ERG: variants seen among roughly 807,000 people sequenced by gnomAD.
ERG encodes transcriptional regulator ERG.
In ERG, 9 loss-of-function variants were observed where a neutral mutation model predicts 55.3. The ratio of observed to expected loss-of-function variants is 0.16; its 90% confidence interval spans 0.10 to 0.28. The LOEUF (loss-of-function observed/expected upper bound fraction) is 0.28, where lower values mean the gene tolerates loss of function less well. ERG is among the 10% of genes least tolerant of loss of function. ERG has a pLI of 1.00. For missense variants in ERG, 434 were observed against 631.6 expected (o/e 0.69, Z 3.35); for synonymous variants, 223 against 237.3 (o/e 0.94, Z 0.55).
chr21:38,512,330 G>A (rs947941513), intron 2 of ERG, among the ~76,000 whole-genome samples: 5 of 152,252 alleles, frequency 3.3e-5, no homozygotes, highest in Admixed American at 6.5e-5. Flanking sequence ...TGGCAAGAAT[G>A]TGGAGGAAAA....
At chr21:38,473,159 C>CAAAAAAAAA (rs33994175) in intron 1 of ERG, among the ~76,000 whole-genome samples, 1 of 106,054 alleles carries the variant, frequency 9.4e-6, no homozygotes, top group African/African-American at 4.0e-5. Flanking sequence ...AGGATGCGCT[C>CAAAAAAAAA]AAAAAAAAAA....
chr21:38,519,860 G>A (rs1445960762), intron 2 of ERG, among the ~76,000 whole-genome samples: 2 of 152,100 alleles, frequency 1.3e-5, no homozygotes, highest in African/African-American at 4.8e-5. Flanking sequence ...AACCACACAT[G>A]TAGAAGCAGG....
chr21:38,456,631 C>T (rs146511392), intron 1 of ERG, among the ~76,000 whole-genome samples: 351 of 152,246 alleles, frequency 2.3e-3, no homozygotes, highest in African/African-American at 7.7e-3. Context: ...CACTGTATAA[C>T]GCAGACATGA....
intron 9 of ERG, among the ~76,000 whole-genome samples, chr21:38,390,293 A>G (rs1987912776): frequency 6.6e-6 from 1 of 152,254 alleles, no homozygotes. Context: ...ATCGAAGATG[A>G]GCCTGAATTT....
At position 38,652,526 on chromosome 21, in the gene ERG, G is replaced by A. The variant is rs116076573; in HGVS notation, c.-150+9132C>T. On this transcript the variant is annotated intron_variant, in intron 1 of 10. Coordinates refer to the ERG transcript ENST00000398910. ...GAAACAAGGGTAAGAACATAAACTC[G>A]AGCTAGGAATGCAATGGCCCGCCAG... 4.9e-3 allele frequency among the ~76,000 whole-genome samples: 748 copies of A among 152,284 alleles called. 9 individuals are homozygous for A. Among genetic ancestry groups the A allele is most frequent in the African/African-American group, 0.017 (710 of 41,562 alleles).
At chr21:38,528,982 C>A (rs2059652344) in intron 2 of ERG, among the ~76,000 whole-genome samples, 1 of 151,946 alleles carries the variant, frequency 6.6e-6, no homozygotes, top group Admixed American at 6.6e-5. Context: ...CATTGTCAAC[C>A]TTTTAAATTA....
At chr21:38,404,178 A>G (rs1040680667) in intron 3 of ERG, among the ~76,000 whole-genome samples, 2 of 152,182 alleles carry the variant, frequency 1.3e-5, no homozygotes, top group African/African-American at 4.8e-5. Flanking sequence ...AAAAATAATA[A>G]TAACAGTATT....
intron 1 of ERG, among the ~76,000 whole-genome samples, chr21:38,456,074 T>C (rs1656349261): frequency 6.6e-6 from 1 of 152,226 alleles, no homozygotes; most frequent in African/African-American, 2.4e-5. Flanking sequence ...AGACTCCATT[T>C]TGCACCAAAA....
chr21:38,621,344 C>T (rs1056796601), intron 1 of ERG, among the ~76,000 whole-genome samples: 1 of 152,182 alleles, frequency 6.6e-6, no homozygotes, highest in Non-Finnish European at 1.5e-5. Flanking sequence ...TTGGGCTTGG[C>T]CAGGTGTCTT....
chr21:38,576,125 A>G (rs1343320170), intron 1 of ERG, among the ~76,000 whole-genome samples: 2 of 151,368 alleles, frequency 1.3e-5, no homozygotes, highest in Non-Finnish European at 3.0e-5. Context: ...CTGAGAAAAC[A>G]GGACTTTGAA....
chr21:38,377,505 T>C (rs974788902), downstream of ERG, among the ~76,000 whole-genome samples: 12 of 152,188 alleles, frequency 7.9e-5, no homozygotes, highest in African/African-American at 2.9e-4. Flanking sequence ...CCTCCAAACC[T>C]TTCAAACAAG....
intron 2 of ERG, among the ~76,000 whole-genome samples, chr21:38,436,447 C>A (rs1039896390): frequency 1.3e-5 from 2 of 152,166 alleles, no homozygotes; most frequent in Non-Finnish European, 2.9e-5. Context: ...TGGAGAGAAC[C>A]TTGCTATCCC....
At chr21:38,586,559 A>G (rs1404721170), upstream of ERG, among the ~76,000 whole-genome samples, 2 of 152,144 alleles carry the variant, frequency 1.3e-5, no homozygotes, top group African/African-American at 4.8e-5. Context: ...GCCATTATCA[A>G]AAAGACAAGT....
At chr21:38,541,223 G>A (rs2836493) in intron 2 of ERG, among the ~76,000 whole-genome samples, 26,618 of 152,066 alleles carry the variant, frequency 0.18, 2,554 homozygotes, top group African/African-American at 0.26. Flanking sequence ...GCTCTTCCAT[G>A]CCCATATGTT....
upstream of ERG, among the ~76,000 whole-genome samples, chr21:38,499,489 C>G (rs558087097): frequency 1.6e-3 from 246 of 152,098 alleles, no homozygotes; most frequent in Non-Finnish European, 2.5e-3. Flanking sequence ...AACGCAGGAC[C>G]CATAAAGAGG....
rs376236940 is a variant in ERG, at chr21:38,460,414, A to C, written c.19-14793T>G. Among the ~76,000 whole-genome samples, 27 of 152,314 alleles carry C rather than the reference A, an allele frequency of 1.8e-4. No individual in the cohort carries two copies. The East Asian group carries it at 3.3e-3, about 18-fold the overall frequency. On this transcript the variant is annotated intron_variant, in intron 1 of 9. Coordinates refer to ENST00000288319, the MANE Select transcript of ERG (RefSeq NM_182918.4). This position sits in a 1 kb window ranked among gnomAD's most constrained non-coding sequence, Gnocchi z 5.0. Reference sequence around the variant, plus strand: ...CATCTCATAAGGGTTCTGCAAAGAAAATTCTTTCTATCTTTAAAGTTTTAT... The same window carrying C: ...CATCTCATAAGGGTTCTGCAAAGAACATTCTTTCTATCTTTAAAGTTTTAT...
chr21:38,540,857 C>CAT (rs2059746894), intron 2 of ERG, among the ~76,000 whole-genome samples: 1 of 152,128 alleles, frequency 6.6e-6, no homozygotes, highest in East Asian at 1.9e-4. Context: ...CAATGGTGGG[C>CAT]ATACATCTTT....
At position 38,421,739 on chromosome 21, in the gene ERG, A is replaced by G. The variant is rs573423658; in HGVS notation, c.388+1671T>C. 1.6e-3 allele frequency among the ~76,000 whole-genome samples: 251 copies of G among 152,252 alleles called. 2 individuals are homozygous for G. Among genetic ancestry groups the G allele is most frequent in the African/African-American group, 5.6e-3 (233 of 41,552 alleles). ...GTTCATCCATTCTCCACCTCCCTTAATATTCACTGAGCACCTCCCACTTAC... is the reference window on the plus strand; with the variant it reads ...GTTCATCCATTCTCCACCTCCCTTAGTATTCACTGAGCACCTCCCACTTAC... On this transcript the variant is annotated intron_variant, in intron 3 of 9. Coordinates refer to ENST00000288319, the MANE Select transcript of ERG (RefSeq NM_182918.4).
intron 2 of ERG, among the ~76,000 whole-genome samples, chr21:38,546,346 T>C (rs1315762917): frequency 6.6e-6 from 1 of 152,170 alleles, no homozygotes; most frequent in African/African-American, 2.4e-5. Flanking sequence ...CAACATGCCA[T>C]ACGAAAAGAT....
Sources: allele counts gnomAD v4.1 joint callset (sites outside exome capture counted in the v4.1 genomes callset), GRCh38; gene constraint gnomAD v4.1.1; non-coding constraint Gnocchi (gnomAD v3.1); transcripts MANE v1.5; gene names NCBI Gene and HGNC (gene_info 2026-07-23, HGNC 2026-07-21).